Variants in WDR72 observed in about 807,000 individuals in gnomAD.
WDR72 encodes WD repeat-containing protein 72.
In WDR72, 120 loss-of-function variants were observed where a neutral mutation model predicts 124.2. The ratio of observed to expected loss-of-function variants is 0.97; its 90% CI spans 0.83 to 1.12. The LOEUF (loss-of-function observed/expected upper bound fraction) is 1.12. WDR72 is among the 50% of genes most tolerant of loss of function. WDR72 has a pLI of 0.00. For synonymous variants in WDR72, 452 were observed against 441.7 expected (o/e 1.02, Z -0.29); for missense variants, 1,387 against 1,278.8 (o/e 1.08, Z -1.29).
chr15:53,665,700 G>T lies in WDR72; in HGVS notation c.1834C>A (p.Leu612Ile), dbSNP rs149032627. 1.4e-5 allele frequency: 23 copies of T among 1,613,890 alleles called. No individual in the cohort carries two copies. The African/African-American group carries it at 2.9e-4, about 21-fold the overall frequency. Residue 612 changes from leucine (L) to isoleucine (I), a missense_variant, in exon 14 of 20, where the codon CTT (leucine) becomes ATT (isoleucine). Physicochemically the swap from Leu to Ile is conservative, Grantham distance 5. Transcript: ENST00000360509. ...GCAATGGGAAGTACAGACTTCACAAGCTGTGAATCATCACAACAATTAAGA... is the reference window on the plus strand; with the variant it reads ...GCAATGGGAAGTACAGACTTCACAATCTGTGAATCATCACAACAATTAAGA... ...IILNCCDDSQ[L>I]VKSVLPIASE...
chr15:53,588,980 T>C (rs1036489885), intron 18 of WDR72, among the ~76,000 whole-genome samples: 4 of 151,746 alleles, frequency 2.6e-5, no homozygotes, highest in Non-Finnish European at 4.4e-5. Flanking sequence ...CAGAACACAA[T>C]ATGTGAATCC....
intron 18 of WDR72, among the ~76,000 whole-genome samples, chr15:53,566,244 A>G (rs1269470741): frequency 6.6e-6 from 1 of 151,956 alleles, no homozygotes; most frequent in East Asian, 1.9e-4. Flanking sequence ...GTAGTAGCAC[A>G]TGGCAAAACC....
chr15:53,530,808 A>G (rs1248884739), intron 18 of WDR72, among the ~76,000 whole-genome samples: 2 of 152,102 alleles, frequency 1.3e-5, no homozygotes, highest in Non-Finnish European at 2.9e-5. Flanking sequence ...GAAAAGCACC[A>G]AAAAACATTC....
chr15:53,730,487 T>C (rs938291680), intron 2 of WDR72, among the ~76,000 whole-genome samples: 2 of 152,190 alleles, frequency 1.3e-5, no homozygotes, highest in Admixed American at 1.3e-4. Context: ...GTTTTTCCAT[T>C]TTGCATGGTG....
intron 1 of WDR72, among the ~76,000 whole-genome samples, chr15:53,755,482 G>C (rs1471312331): frequency 2.0e-5 from 3 of 152,206 alleles, no homozygotes; most frequent in African/African-American, 4.8e-5. Flanking sequence ...CGGGCATATA[G>C]AATTAGCACA....
At chr15:53,623,591 C>G (rs2014090901) in intron 14 of WDR72, among the ~76,000 whole-genome samples, 1 of 152,030 alleles carries the variant, frequency 6.6e-6, no homozygotes. Context: ...CATATCTTTG[C>G]TATTGTGAAT....
intron 19 of WDR72, among the ~76,000 whole-genome samples, chr15:53,519,387 A>C (rs76006056): frequency 0.048 from 7,313 of 152,158 alleles, 217 homozygotes; most frequent in Middle Eastern, 0.078. Context: ...AATGGCCCTA[A>C]AATCTCAAAA....
At chr15:53,758,036 C>T (rs931036238) in intron 1 of WDR72, among the ~76,000 whole-genome samples, 11 of 152,072 alleles carry the variant, frequency 7.2e-5, no homozygotes, top group South Asian at 2.1e-4. Flanking sequence ...GGGTCTTTCT[C>T]CGTCACCTAG....
intron 1 of WDR72, among the ~76,000 whole-genome samples, chr15:53,755,963 A>G (rs1481439129): frequency 3.3e-5 from 5 of 152,192 alleles, no homozygotes. Flanking sequence ...TCCTCTTAAC[A>G]TAAGAAAGTG....
intron 1 of WDR72, among the ~76,000 whole-genome samples, chr15:53,740,069 T>A (rs2018466692): frequency 6.6e-6 from 1 of 152,194 alleles, no homozygotes; most frequent in Non-Finnish European, 1.5e-5. Flanking sequence ...TTTATATTCC[T>A]ATTGCTCTGG....
intron 1 of WDR72, among the ~76,000 whole-genome samples, chr15:53,739,774 T>G (rs1292397011): frequency 6.6e-6 from 1 of 152,302 alleles, no homozygotes; most frequent in East Asian, 1.9e-4. Context: ...TTGGCTAACG[T>G]GTGCTTAGCT....
chr15:53,716,751 G>T, intron 3 of WDR72, 66 bp from the exon 4 acceptor site: 2 of 1,246,256 alleles, frequency 1.6e-6, no homozygotes, highest in Non-Finnish European at 2.3e-6. Context: ...TAATTTTTGT[G>T]CCACCAAGTT....
At chr15:53,650,893 GTTT>G (rs71297666) in intron 14 of WDR72, among the ~76,000 whole-genome samples, 12 of 106,782 alleles carry the variant, frequency 1.1e-4, no homozygotes, top group African/African-American at 3.4e-4. Context: ...CTCTAATTCA[GTTT>G]TTTTTTTTTT....
At position 53,541,002 on chromosome 15, in the gene WDR72, A is replaced by T. The variant is rs1399480709; in HGVS notation, c.3149-17680T>A. On this transcript the variant is annotated intron_variant, in intron 18 of 19. Transcript: ENST00000360509. The stretch of plus-strand genomic sequence containing the variant: ...GGCTCGGAGGGTCCTACGCCCACGG[A>T]GTCTCGCTGATTGCTAGCACAGCAG... 9 of 159,160 alleles carry T rather than the reference A, an allele frequency of 5.7e-5. No homozygotes were observed. In the East Asian group the frequency reaches 1.7e-3, roughly 30 times the overall value. The allele number at this position is 159,160 out of a possible 1,614,324, so 9.9% of individuals were successfully genotyped here. A position where few individuals can be genotyped will look rare whatever the true frequency, so the allele number is the denominator to read the frequency against.
chr15:53,638,149 C>G (rs1370408718), intron 14 of WDR72, among the ~76,000 whole-genome samples: 1 of 152,166 alleles, frequency 6.6e-6, no homozygotes, highest in Non-Finnish European at 1.5e-5. Flanking sequence ...ACTATCAACA[C>G]TTCAACAACA....
At chr15:53,696,725 A>G (rs1595857320) in intron 13 of WDR72, among the ~76,000 whole-genome samples, 1 of 152,386 alleles carries the variant, frequency 6.6e-6, no homozygotes, top group Non-Finnish European at 1.5e-5. Flanking sequence ...GCCAGCTGAA[A>G]TCTGGCTTGG....
chr15:53,693,384 T>G (rs1176292206), intron 13 of WDR72, among the ~76,000 whole-genome samples: 2 of 100,926 alleles, frequency 2.0e-5, no homozygotes, highest in Admixed American at 1.1e-4. Context: ...GCTATATTTC[T>G]GAAAAACGTG....
intron 1 of WDR72, among the ~76,000 whole-genome samples, chr15:53,733,440 G>C (rs1402664255): frequency 6.6e-6 from 1 of 152,090 alleles, no homozygotes; most frequent in African/African-American, 2.4e-5. Context: ...TTCACACCCA[G>C]CTCTTCCTGT....
intron 1 of WDR72, among the ~76,000 whole-genome samples, chr15:53,744,145 C>T (rs2018583456): frequency 6.6e-6 from 1 of 152,158 alleles, no homozygotes; most frequent in Non-Finnish European, 1.5e-5. Context: ...TGATACAAAT[C>T]AGCTAAATCA....
Sources: allele counts gnomAD v4.1 joint callset (sites outside exome capture counted in the v4.1 genomes callset), GRCh38; gene constraint gnomAD v4.1.1; transcripts MANE v1.5; gene names NCBI Gene and HGNC (gene_info 2026-07-23, HGNC 2026-07-21).